The following CA8 variants were observed in gnomAD, a reference collection of about 807,000 sequenced individuals.
The protein encoded by CA8 is carbonic anhydrase-related protein.
Under a neutral mutation model 41.4 loss-of-function variants are expected in CA8, and 22 were observed. The observed-to-expected ratio is 0.53, with a 90% CI of 0.38 to 0.76. The LOEUF (loss-of-function observed/expected upper bound fraction) is 0.76, where lower values mean the gene tolerates loss of function less well. CA8 is among the 30% of genes least tolerant of loss of function. The probability of loss-of-function intolerance (pLI) is 0.00; values close to 1 mark genes in which losing one functional copy is unlikely to be tolerated. For missense variants in CA8, 270 were observed against 352.8 expected, an observed-to-expected ratio of 0.77 and a Z score of 1.88; for synonymous variants, 121 against 130.6, an observed-to-expected ratio of 0.93 and a Z score of 0.50.
At chr8:60,266,142 C>G (rs1803895415) in intron 2 of CA8, 93 bp from the exon 3 acceptor site, 40 of 1,173,254 alleles carry the variant, frequency 3.4e-5, no homozygotes, top group Non-Finnish European at 4.6e-5. Context: ...CCAAAATGCT[C>G]TCATGGGCTC....
intron 7 of CA8, among the ~76,000 whole-genome samples, chr8:60,209,549 A>G (rs1806760557): frequency 6.6e-6 from 1 of 152,196 alleles, no homozygotes; most frequent in African/African-American, 2.4e-5. Flanking sequence ...TAATAAGAAA[A>G]AGTGAACAAA....
chr8:60,210,901 A>T (rs1360534608), intron 7 of CA8, among the ~76,000 whole-genome samples: 1 of 152,232 alleles, frequency 6.6e-6, no homozygotes, highest in African/African-American at 2.4e-5. Context: ...ACTTCTAGAG[A>T]CGAAGCTGCA....
At chr8:60,226,606 T>C (rs1346098516) in intron 5 of CA8, among the ~76,000 whole-genome samples, 120 of 152,176 alleles carry the variant, frequency 7.9e-4, no homozygotes, top group Admixed American at 7.7e-3. Flanking sequence ...TGACACATCA[T>C]TGCTAGGAGA....
At chr8:60,232,228 A>C in intron 4 of CA8, 56 bp downstream of exon 4, 1 of 1,367,574 alleles carries the variant, frequency 7.3e-7, no homozygotes, top group Non-Finnish European at 1.0e-6. Context: ...AATTTTACAA[A>C]ATGATTTAGA....
At chr8:60,225,262 G>T (rs374364074) in intron 5 of CA8, among the ~76,000 whole-genome samples, 2 of 152,204 alleles carry the variant, frequency 1.3e-5, no homozygotes, top group African/African-American at 4.8e-5. Flanking sequence ...AAATAGTCCT[G>T]TCATGTGACT....
At position 60,188,012 on chromosome 8, in the gene CA8, GTAAC is replaced by G. The variant is rs1806010474; in HGVS notation, c.*2005_*2008del. 6.6e-6 allele frequency: 1 copy of G among 152,140 alleles called. No individual in the cohort carries two copies. Among genetic ancestry groups the G allele is most frequent in the Non-Finnish European group, 1.5e-5 (1 of 68,024 alleles). The allele number at this position is 152,140 out of a possible 1,614,324, so 9.4% of individuals were successfully genotyped here. ...ACAGTATTCATATTCTGAATCTGAG[GTAAC>G]TAACTGTGGAATTAAAGGATTTTCC... On this transcript the variant is annotated 3_prime_UTR_variant, in exon 9 of 9. Transcript: ENST00000317995.
At chr8:60,214,054 G>GCC (rs1228747155) in intron 7 of CA8, among the ~76,000 whole-genome samples, 1 of 152,210 alleles carries the variant, frequency 6.6e-6, no homozygotes. Context: ...GCTTCAACAA[G>GCC]CCTTCCAGGG....
chr8:60,267,078 C>A (rs988516923), intron 2 of CA8, among the ~76,000 whole-genome samples: 1 of 152,212 alleles, frequency 6.6e-6, no homozygotes, highest in Non-Finnish European at 1.5e-5. Flanking sequence ...GTTCTTTCAT[C>A]CTTACCCAAA....
intron 3 of CA8, among the ~76,000 whole-genome samples, chr8:60,243,235 G>A (rs1254640982): frequency 6.6e-6 from 1 of 151,950 alleles, no homozygotes; most frequent in African/African-American, 2.4e-5. Flanking sequence ...CCATCAGAAG[G>A]AACTGTCTCT....
At chr8:60,231,758 C>G (rs1807654743) in intron 4 of CA8, among the ~76,000 whole-genome samples, 1 of 152,168 alleles carries the variant, frequency 6.6e-6, no homozygotes, top group Non-Finnish European at 1.5e-5. Flanking sequence ...AATTTATATA[C>G]TCTTCTTTGC....
chr8:60,238,924 G>A (rs1807925904), intron 3 of CA8, among the ~76,000 whole-genome samples: 1 of 152,102 alleles, frequency 6.6e-6, no homozygotes, highest in South Asian at 2.1e-4. Context: ...TTGACAGAAA[G>A]ATGGAGGCTG....
chr8:60,225,696 T>C (rs2130476421), intron 5 of CA8, among the ~76,000 whole-genome samples: 1 of 152,330 alleles, frequency 6.6e-6, no homozygotes. Flanking sequence ...TTTGGGTCTC[T>C]GGATCCTCTG....
chr8:60,208,684 T>C lies in CA8; in HGVS notation c.*35+66A>G, dbSNP rs574267507. The C allele has an allele frequency of 7.5e-5, 98 of 1,315,082 alleles. No individual in the cohort carries two copies. The highest frequency in any genetic ancestry group is 6.9e-4 in the African/African-American group (48 of 69,212). The allele number at this position is 1,315,082 out of a possible 1,614,324, so 81.5% of individuals were successfully genotyped here. The stretch of plus-strand genomic sequence containing the variant: ...ACTAAATTACCAGGATCACAATAAG[T>C]GTACCTTTGGTACGCTAGGTTTAAG... On this transcript the variant is annotated intron_variant, in intron 8 of 8. Transcript: ENST00000317995.
At chr8:60,277,179 C>T (rs555196278) in intron 2 of CA8, among the ~76,000 whole-genome samples, 2 of 138 alleles carry the variant, frequency 0.014, no homozygotes, top group African/African-American at 0.059. Context: ...AGAGTTCATA[C>T]ATAGCTTACT....
In CA8 at chr8:60,186,018, G is replaced by A. The variant is rs1225179429; in HGVS notation, c.*4003C>T. On this transcript the variant is annotated 3_prime_UTR_variant, in exon 9 of 9. Transcript: ENST00000317995. Reference sequence around the variant, plus strand: ...ATTTGACAATGACAACACAAAGGAGGTAAATAAGAACAAAGTAGTACTGGA... The same window carrying A: ...ATTTGACAATGACAACACAAAGGAGATAAATAAGAACAAAGTAGTACTGGA... Among the ~76,000 whole-genome samples the A allele has an allele frequency of 6.6e-6, 1 of 152,026 alleles. No individual in the cohort carries two copies. Among genetic ancestry groups the A allele is most frequent in the African/African-American group, 2.4e-5 (1 of 41,428 alleles).
At chr8:60,200,356 C>T (rs1451024604) in intron 8 of CA8, among the ~76,000 whole-genome samples, 1 of 152,168 alleles carries the variant, frequency 6.6e-6, no homozygotes, top group East Asian at 1.9e-4. Flanking sequence ...GCTTCTACCC[C>T]CAATAAGGGG....
chr8:60,218,377 C>CT (rs1006598431), intron 7 of CA8, among the ~76,000 whole-genome samples: 10 of 151,998 alleles, frequency 6.6e-5, no homozygotes, highest in Admixed American at 2.6e-4. Context: ...TTGAGAGTGT[C>CT]TTTTTTATCT....
At chr8:60,280,958 C>A in intron 1 of CA8, 90 bp downstream of exon 1, 1 of 914,222 alleles carries the variant, frequency 1.1e-6, no homozygotes, top group East Asian at 2.5e-5. Flanking sequence ...GTGCTCGGAG[C>A]GCGCAGCGGC....
chr8:60,265,403 C>A (rs1176427165), intron 3 of CA8: 1 of 160,776 alleles, frequency 6.2e-6, no homozygotes, highest in Non-Finnish European at 1.4e-5. Context: ...ATCAAAGAAA[C>A]AGCAGAAGTT....
Sources: allele counts gnomAD v4.1 joint callset (sites outside exome capture counted in the v4.1 genomes callset), GRCh38; gene constraint gnomAD v4.1.1; transcripts MANE v1.5; gene names NCBI Gene and HGNC (gene_info 2026-07-23, HGNC 2026-07-21).